The following BMPR1B variants were observed in gnomAD, a reference collection of about 807,000 sequenced individuals.
BMPR1B encodes the protein bone morphogenetic protein receptor type 1B.
BMPR1B carries 12 observed loss-of-function variants against 59.1 expected under a neutral mutation model. The observed-to-expected ratio is 0.20, with a 90% CI of 0.13 to 0.33. BMPR1B has a LOEUF of 0.33. Ranked by LOEUF, BMPR1B falls within the 10% of genes least tolerant of loss-of-function variation. The pLI, the probability that BMPR1B is intolerant of heterozygous loss-of-function variation, is 1.00. For synonymous variants in BMPR1B, 237 were observed against 207.3 expected (o/e 1.14, Z -1.23); for missense variants, 550 against 610.9 (o/e 0.90, Z 1.05).
chr4:94,894,438 A>AAGAGAGAG (rs35163913), intron 2 of BMPR1B, among the ~76,000 whole-genome samples: 3,926 of 149,462 alleles, frequency 0.026, 76 homozygotes, highest in South Asian at 0.046. Context: ...TGGCCTTTAA[A>AAGAGAGAG]AGAGAGAGAG....
At chr4:95,133,233 C>G (rs947835582) in intron 10 of BMPR1B, among the ~76,000 whole-genome samples, 1 of 152,142 alleles carries the variant, frequency 6.6e-6, no homozygotes, top group African/African-American at 2.4e-5. Context: ...CTCTTTGTCT[C>G]TCCTATTTCC....
chr4:94,931,272 T>G (rs1410627207), intron 2 of BMPR1B, among the ~76,000 whole-genome samples: 1 of 152,168 alleles, frequency 6.6e-6, no homozygotes, highest in Non-Finnish European at 1.5e-5. Context: ...TGACACAATT[T>G]TACTCATAAT....
intron 2 of BMPR1B, among the ~76,000 whole-genome samples, chr4:94,964,162 G>A (rs779279589): frequency 6.6e-6 from 1 of 151,788 alleles, no homozygotes; most frequent in Non-Finnish European, 1.5e-5. Context: ...TACTGATTTT[G>A]GTATGTTAAT....
chr4:95,124,859 A>C, intron 7 of BMPR1B, 124 bp from the exon 8 acceptor site: 1 of 865,918 alleles, frequency 1.2e-6, no homozygotes, highest in South Asian at 1.7e-5. Context: ...AAAAAATATG[A>C]AGCATTTAAT....
Position 95,130,001 on chromosome 4 carries a change from T to C in BMPR1B, c.725T>C (p.Phe242Ser), listed in dbSNP as rs754133041. The C allele has an allele frequency of 1.3e-5, 21 of 1,613,868 alleles. No individual in the cohort carries two copies. The highest frequency in any genetic ancestry group is 1.0e-4 in the Admixed American group (6 of 59,950). The change falls in exon 9 of 13, where the codon TTC becomes TCC. Residue 242 changes from phenylalanine to serine, a missense_variant. By Grantham distance (155) the Phe-to-Ser change is radical (BLOSUM62 -2). This residue lies in a region of BMPR1B where 318 missense variants were observed against 284.6 expected (regional missense o/e 1.12). Coordinates refer to ENST00000515059, the MANE Select transcript of BMPR1B (RefSeq NM_001203.3). Reference sequence around the variant, plus strand: ...TTCACCACAGAGGAAGCCAGCTGGTTCAGAGAGACAGAAATATATCAGACA... The same window carrying C: ...TTCACCACAGAGGAAGCCAGCTGGTCCAGAGAGACAGAAATATATCAGACA... ...VFFTTEEASW[F>S]RETEIYQTVL...
At chr4:94,841,716 C>CT (rs1725091020) in intron 1 of BMPR1B, among the ~76,000 whole-genome samples, 1 of 152,206 alleles carries the variant, frequency 6.6e-6, no homozygotes, top group South Asian at 2.1e-4. Flanking sequence ...AATCACCCGT[C>CT]TTCTGCGTTG....
intron 1 of BMPR1B, among the ~76,000 whole-genome samples, chr4:94,834,430 C>T (rs1203108268): frequency 1.3e-5 from 2 of 152,176 alleles, no homozygotes. Flanking sequence ...TTTCCCTCCT[C>T]CTCCAGCTTT....
At chr4:94,821,793 T>C (rs1472960707) in intron 1 of BMPR1B, among the ~76,000 whole-genome samples, 1 of 152,204 alleles carries the variant, frequency 6.6e-6, no homozygotes, top group Non-Finnish European at 1.5e-5. Flanking sequence ...TGTGTGCCAA[T>C]AGCTAGTATT....
At chr4:95,012,052 G>T (rs1029296283) in intron 3 of BMPR1B, among the ~76,000 whole-genome samples, 1 of 151,010 alleles carries the variant, frequency 6.6e-6, no homozygotes, top group South Asian at 2.1e-4. Flanking sequence ...AAAAAAAAAA[G>T]AAAGAAAAAG....
At position 94,822,162 on chromosome 4, in the gene BMPR1B, C is replaced by A. The variant is rs138218156; in HGVS notation, c.-182-53669C>A. 8.9e-3 allele frequency among the ~76,000 whole-genome samples: 1,360 copies of A among 152,244 alleles called. 19 individuals are homozygous for A. Among genetic ancestry groups the A allele is most frequent in the African/African-American group, 0.031 (1,287 of 41,554 alleles). On this transcript the variant is annotated intron_variant, in intron 1 of 12. Transcript: ENST00000515059. The stretch of plus-strand genomic sequence containing the variant: ...GGTGGAAGGTGGATGGGCAAAGAGA[C>A]AAAAGGGGGCCAGATAAGCTCTTCT...
intron 4 of BMPR1B, among the ~76,000 whole-genome samples, chr4:95,108,125 C>T (rs1336680255): frequency 2.6e-5 from 4 of 152,062 alleles, no homozygotes; most frequent in Admixed American, 6.6e-5. Context: ...AAAATACATG[C>T]TCCATTTTTA....
At chr4:95,010,236 C>T (rs1723123018) in intron 3 of BMPR1B, among the ~76,000 whole-genome samples, 1 of 152,130 alleles carries the variant, frequency 6.6e-6, no homozygotes, top group Non-Finnish European at 1.5e-5. Flanking sequence ...TCACATCTTT[C>T]ATATTGCTGT....
intron 2 of BMPR1B, among the ~76,000 whole-genome samples, chr4:94,912,402 T>C (rs992166225): frequency 4.6e-5 from 7 of 152,166 alleles, no homozygotes; most frequent in African/African-American, 1.7e-4. Flanking sequence ...TGCTCAGAGA[T>C]TCAAGCTGAT....
At chr4:94,936,081 A>G (rs1435730908) in intron 2 of BMPR1B, among the ~76,000 whole-genome samples, 1 of 152,176 alleles carries the variant, frequency 6.6e-6, no homozygotes, top group Admixed American at 6.5e-5. Context: ...TAAAGTCAGA[A>G]AAGAGTGCTT....
intron 3 of BMPR1B, among the ~76,000 whole-genome samples, chr4:94,999,931 G>A (rs1356396191): frequency 6.6e-6 from 1 of 152,076 alleles, no homozygotes; most frequent in Non-Finnish European, 1.5e-5. Context: ...GAAGGAAGTT[G>A]ACGTTTAAAA....
intron 2 of BMPR1B, among the ~76,000 whole-genome samples, chr4:94,973,553 C>T (rs1730895317): frequency 6.6e-6 from 1 of 152,170 alleles, no homozygotes; most frequent in Non-Finnish European, 1.5e-5. Flanking sequence ...CTACCATAGT[C>T]CTATCTACTG....
At chr4:95,125,574 C>A (rs1732848100) in intron 8 of BMPR1B, among the ~76,000 whole-genome samples, 2 of 152,128 alleles carry the variant, frequency 1.3e-5, no homozygotes, top group Non-Finnish European at 2.9e-5. Flanking sequence ...GCTTCATTTT[C>A]TGATGGTCAG....
chr4:95,149,083 C>T (rs1307616382), intron 11 of BMPR1B, among the ~76,000 whole-genome samples, 160 bp downstream of exon 11: 2 of 152,152 alleles, frequency 1.3e-5, no homozygotes, highest in African/African-American at 4.8e-5. Flanking sequence ...AAATTATATT[C>T]GACATCCTAG....
intron 1 of BMPR1B, among the ~76,000 whole-genome samples, chr4:94,831,224 T>G (rs1724572430): frequency 9.5e-6 from 1 of 105,108 alleles, no homozygotes; most frequent in African/African-American, 4.1e-5. Context: ...AACAAGAAAG[T>G]TTAAAAAGTA....
Sources: gnomAD v4.1 joint callset for allele counts (sites outside exome capture counted in the v4.1 genomes callset) on GRCh38, gnomAD v4.1.1 for gene constraint, gnomAD v4.1.1 regional missense constraint, MANE v1.5 for transcripts, NCBI Gene and HGNC (gene_info 2026-07-23, HGNC 2026-07-21) for gene names.